Variants in TSGA10 observed in about 807,000 individuals in gnomAD.
TSGA10 encodes testis-specific gene 10 protein.
In TSGA10, 43 loss-of-function variants were observed where a neutral mutation model predicts 96.6. That is an observed-to-expected ratio of 0.44 (90% CI 0.35 to 0.57). The LOEUF is 0.57. Among genes scored for constraint, TSGA10 ranks in the 20% least tolerant of loss-of-function variants. The probability of loss-of-function intolerance (pLI) is 0.01; values close to 1 mark genes in which losing one functional copy is unlikely to be tolerated. For missense variants in TSGA10, 703 were observed against 834.4 expected (o/e 0.84, Z 1.94); for synonymous variants, 229 against 269.9 (o/e 0.85, Z 1.48).
chr2:99,000,174 C>A (rs1573289128), intron 20 of TSGA10, among the ~76,000 whole-genome samples: 1 of 152,004 alleles, frequency 6.6e-6, no homozygotes, highest in Admixed American at 6.5e-5. Flanking sequence ...GAGTTTGAGA[C>A]CAGCCTGGTC....
At position 99,095,662 on chromosome 2, in the gene TSGA10, G is replaced by C. The variant is rs538366919; in HGVS notation, c.611+8305C>G. ...GACATCACAGAAATACAAAAGATCAGACAGAGTTTCGCTCTGTCACCAGGC... is the reference window on the plus strand; with the variant it reads ...GACATCACAGAAATACAAAAGATCACACAGAGTTTCGCTCTGTCACCAGGC... On this transcript the variant is annotated intron_variant, in intron 10 of 20. Transcript: ENST00000393483. Among the ~76,000 whole-genome samples the C allele has an allele frequency of 3.2e-4, 49 of 152,268 alleles. No individual in the cohort carries two copies. The East Asian group carries it at 6.4e-3, about 20-fold the overall frequency.
In TSGA10 at chr2:99,080,197, C is replaced by A. The variant is rs149667531; in HGVS notation, c.727+1085G>T. Among the ~76,000 whole-genome samples the A allele has an allele frequency of 6.6e-3, 1,006 of 152,316 alleles. 13 individuals carry two copies. Among genetic ancestry groups the A allele is most frequent in the African/African-American group, 0.023 (974 of 41,576 alleles). On this transcript the variant is annotated intron_variant, in intron 11 of 20. Transcript: ENST00000393483. ...AACCCACTCTATCTTCTACATCCAA[C>A]ACTCCATTCAAACTTTTTTTTGGTG...
intron 16 of TSGA10, among the ~76,000 whole-genome samples, chr2:99,063,630 C>T (rs1022012669): frequency 4.0e-5 from 6 of 151,734 alleles, no homozygotes; most frequent in Non-Finnish European, 5.9e-5. Context: ...TGGTGAAACC[C>T]CATCTCTACT....
At chr2:99,075,748 C>G (rs1250329902) in intron 12 of TSGA10, among the ~76,000 whole-genome samples, 1 of 151,992 alleles carries the variant, frequency 6.6e-6, no homozygotes, top group Non-Finnish European at 1.5e-5. Context: ...CTCAATATTG[C>G]TTGTGAAGGA....
rs70940140 is a variant in TSGA10, at chr2:99,144,649, CAAAA to C, written c.-621+10040_-621+10043del. On this transcript the variant is annotated intron_variant, in intron 1 of 20. Coordinates refer to ENST00000393483, the MANE Select transcript of TSGA10 (RefSeq NM_025244.4). The stretch of plus-strand genomic sequence containing the variant: ...GGGGGACAAGAACAAAACTCTGTCT[CAAAA>C]AAAAAAAAAAAAAAAAAAGATGCTG... Among the ~76,000 whole-genome samples the C allele has an allele frequency of 2.3e-4, 12 of 52,266 alleles. 1 individual carries two copies. The highest frequency in any genetic ancestry group is 2.2e-3 in the South Asian group (2 of 926). 34.3% of individuals were successfully genotyped at this position (52,266 alleles called of 152,430 possible). A position where few individuals can be genotyped will look rare whatever the true frequency, so the allele number is the denominator to read the frequency against.
intron 17 of TSGA10, among the ~76,000 whole-genome samples, chr2:99,021,418 G>A (rs1558749248): frequency 6.6e-6 from 1 of 152,004 alleles, no homozygotes; most frequent in Non-Finnish European, 1.5e-5. Flanking sequence ...CTAACATAAA[G>A]AACGCATATA....
At chr2:99,037,628 C>A (rs879671476) in intron 16 of TSGA10, among the ~76,000 whole-genome samples, 1 of 151,994 alleles carries the variant, frequency 6.6e-6, no homozygotes, top group Admixed American at 6.6e-5. Flanking sequence ...GCAGGTGGAT[C>A]GCCTGAGGCC....
chr2:99,002,363 G>C lies in TSGA10; in HGVS notation c.2073-4142C>G, dbSNP rs1032132936. 1.3e-4 allele frequency among the ~76,000 whole-genome samples: 20 copies of C among 152,144 alleles called. 1 individual carries two copies. Among genetic ancestry groups the C allele is most frequent in the Admixed American group, 5.2e-4 (8 of 15,278 alleles). Reference sequence around the variant, plus strand: ...CTTAAAGAAAAGAATTTTCAACCCAGAATTTCATATCCAGCCAAACTAAGC... The same window carrying C: ...CTTAAAGAAAAGAATTTTCAACCCACAATTTCATATCCAGCCAAACTAAGC... On this transcript the variant is annotated intron_variant, in intron 20 of 20. Coordinates refer to ENST00000393483, the MANE Select transcript of TSGA10 (RefSeq NM_025244.4).
chr2:99,152,666 T>G (rs1310556420), intron 1 of TSGA10, among the ~76,000 whole-genome samples: 3 of 152,188 alleles, frequency 2.0e-5, no homozygotes, highest in Admixed American at 6.5e-5. Context: ...CATTTATAGC[T>G]TTTGCAGTGA....
At chr2:99,144,729 G>A (rs184894900) in intron 1 of TSGA10, among the ~76,000 whole-genome samples, 1 of 148,454 alleles carries the variant, frequency 6.7e-6, no homozygotes, top group African/African-American at 2.5e-5. Flanking sequence ...ACTAGCAGCA[G>A]AAGTCTGCCA....
intron 1 of TSGA10, among the ~76,000 whole-genome samples, chr2:99,131,531 G>A (rs1574632180): frequency 6.6e-6 from 1 of 152,290 alleles, no homozygotes; most frequent in East Asian, 1.9e-4. Context: ...CTAAGACAGT[G>A]GGGTTTTCTA....
chr2:99,068,877 A>G lies in TSGA10; in HGVS notation c.1218+11T>C. ...AAGTATCATGAGCAAAAAGAAAAAA[A>G]AAATACATACTTCAGACTTTAATAT... On this transcript the variant is annotated intron_variant, in intron 15 of 20. Transcript: ENST00000393483. 1 of 1,363,900 alleles carries G rather than the reference A, an allele frequency of 7.3e-7. No homozygotes were observed. The highest frequency in any genetic ancestry group is 1.9e-4 in the Middle Eastern group (1 of 5,284). The allele number at this position is 1,363,900 out of a possible 1,614,324, so 84.5% of individuals were successfully genotyped here.
At position 99,117,698 on chromosome 2, in the gene TSGA10, C is replaced by T. The variant is rs969420525; in HGVS notation, c.-294G>A. On this transcript the variant is annotated 5_prime_UTR_variant, in exon 4 of 21. Coordinates refer to ENST00000393483, the MANE Select transcript of TSGA10 (RefSeq NM_025244.4). ...TACTTGACTGCTTACCACCTCCTTACTATCCAAGAGTTTCCTAACATATTC... is the reference window on the plus strand; with the variant it reads ...TACTTGACTGCTTACCACCTCCTTATTATCCAAGAGTTTCCTAACATATTC... 4 of 985,672 alleles carry T rather than the reference C, an allele frequency of 4.1e-6. No homozygotes were observed. In the Admixed American group the frequency reaches 2.5e-4, roughly 61 times the overall value. 61.1% of individuals were successfully genotyped at this position (985,672 alleles called of 1,614,324 possible). A position where few individuals can be genotyped will look rare whatever the true frequency, so the allele number is the denominator to read the frequency against.
chr2:99,101,048 G>C (rs2090654675), intron 10 of TSGA10, among the ~76,000 whole-genome samples: 1 of 150,212 alleles, frequency 6.7e-6, no homozygotes, highest in Non-Finnish European at 1.5e-5. Flanking sequence ...CGAATCACGA[G>C]GTCAGGAGAT....
At chr2:99,061,673 C>T (rs966394100) in intron 16 of TSGA10, among the ~76,000 whole-genome samples, 4 of 152,174 alleles carry the variant, frequency 2.6e-5, no homozygotes, top group Non-Finnish European at 2.9e-5. Flanking sequence ...CTTACATGAA[C>T]GCAAAGACTT....
At chr2:99,116,223 T>A (rs2092250834) in intron 4 of TSGA10, among the ~76,000 whole-genome samples, 1 of 152,228 alleles carries the variant, frequency 6.6e-6, no homozygotes, top group African/African-American at 2.4e-5. Context: ...ATTTAAAAAT[T>A]CAACAGGTTG....
At chr2:99,010,696 A>G (rs1291993411) in intron 20 of TSGA10, among the ~76,000 whole-genome samples, 1 of 152,226 alleles carries the variant, frequency 6.6e-6, no homozygotes, top group Non-Finnish European at 1.5e-5. Flanking sequence ...GAAGCTCCCA[A>G]CTGAAATTGG....
chr2:99,009,025 A>T (rs1406266279), intron 20 of TSGA10, among the ~76,000 whole-genome samples: 1 of 152,180 alleles, frequency 6.6e-6, no homozygotes, highest in African/African-American at 2.4e-5. Context: ...ATGGGATGGA[A>T]GGCATAAAGA....
Position 99,064,928 on chromosome 2 carries a change from T to C in TSGA10, c.1404+11A>G. 6.4e-7 allele frequency: 1 copy of C among 1,565,302 alleles called. No individual in the cohort carries two copies. The highest frequency in any genetic ancestry group is 8.6e-7 in the Non-Finnish European group (1 of 1,159,472). On this transcript the variant is annotated intron_variant, in intron 16 of 20. Coordinates refer to ENST00000393483, the MANE Select transcript of TSGA10 (RefSeq NM_025244.4). ...GCAGGATGTATTATAAGCATATTTT[T>C]CCAAACTTACTTGCTCAACCTCTCT...
Sources: allele counts gnomAD v4.1 joint callset (sites outside exome capture counted in the v4.1 genomes callset), GRCh38; gene constraint gnomAD v4.1.1; transcripts MANE v1.5; gene names NCBI Gene and HGNC (gene_info 2026-07-23, HGNC 2026-07-21).